The following CDK18 variants were observed in gnomAD, a reference collection of about 807,000 sequenced individuals.
The protein encoded by CDK18 is cyclin-dependent kinase 18.
A neutral mutation model predicts 62.0 loss-of-function variants in CDK18; 52 were observed. The ratio of observed to expected loss-of-function variants is 0.84; its 90% confidence interval spans 0.67 to 1.06. The LOEUF (loss-of-function observed/expected upper bound fraction) is 1.06, where lower values mean the gene tolerates loss of function less well. Ranked by LOEUF, CDK18 falls within the 50% of genes least tolerant of loss-of-function variation. CDK18 has a pLI of 0.00. For synonymous variants in CDK18, 237 were observed against 247.0 expected (o/e 0.96, Z 0.38); for missense variants, 604 against 619.9 (o/e 0.97, Z 0.27).
chr1:205,526,954 C>T (rs964097055), intron 8 of CDK18, 117 bp downstream of exon 8: 18 of 802,502 alleles, frequency 2.2e-5, no homozygotes, highest in Non-Finnish European at 3.0e-5. Flanking sequence ...GACCTTCCCA[C>T]GTAGGAAAGA....
rs1212510034 is a variant in CDK18 at position 205,531,967 on chromosome 1, A to G, written c.*589A>G. Reference sequence around the variant, plus strand: ...AGCAACAGAAGGAATAGTAGTCCCCACTCTTTCCATCAGCCCTACCCTACC... The same window carrying G: ...AGCAACAGAAGGAATAGTAGTCCCCGCTCTTTCCATCAGCCCTACCCTACC... On this transcript the variant is annotated 3_prime_UTR_variant, in exon 16 of 16. Coordinates refer to ENST00000429964, the MANE Select transcript of CDK18 (RefSeq NM_212502.3). 3 of 157,242 alleles carry G rather than the reference A, an allele frequency of 1.9e-5. No individual in the cohort carries two copies. The highest frequency in any genetic ancestry group is 7.3e-5 in the African/African-American group (3 of 41,268). 9.7% of individuals were successfully genotyped at this position (157,242 alleles called of 1,614,324 possible).
chr1:205,530,456 A>G, intron 14 of CDK18, 107 bp downstream of exon 14: 1 of 1,294,532 alleles, frequency 7.7e-7, no homozygotes, highest in Non-Finnish European at 1.1e-6. Context: ...CAGCCCCAGC[A>G]GAGCAGCCCC....
Position 205,529,020 on chromosome 1 carries a change from C to T in CDK18, c.996C>T (p.Tyr332=). The change falls in exon 11 of 16, where the codon TAC becomes TAT. Residue 332 remains tyrosine, a synonymous_variant. Coordinates refer to ENST00000429964, the MANE Select transcript of CDK18 (RefSeq NM_212502.3). ...GCAGGGGCGTGGGCTGCATCCACTA[C>T]GAGATGGCCACAGGGAGGCCCCTCT... ...IDMWGVGCIH[Y]EMATGRPLFP... The T allele has an allele frequency of 1.9e-6, 3 of 1,593,788 alleles. No individual in the cohort carries two copies. The highest frequency in any genetic ancestry group is 2.7e-5 in the African/African-American group (2 of 74,784).
chr1:205,529,788 G>T (rs1269733143), intron 13 of CDK18: 2 of 1,467,052 alleles, frequency 1.4e-6, no homozygotes, highest in South Asian at 1.2e-5. Flanking sequence ...GTAGCTCTGG[G>T]CAAGTTACAG....
At chr1:205,511,890 C>T in intron 1 of CDK18, among the ~76,000 whole-genome samples, 1 of 152,116 alleles carries the variant, frequency 6.6e-6, no homozygotes, top group Non-Finnish European at 1.5e-5. Context: ...CCCATCTCTA[C>T]TAAAATACAA....
In CDK18 at chr1:205,530,637, T is replaced by A; in HGVS notation, c.1322T>A (p.Ile441Asn). The change falls in exon 15 of 16, where the codon ATC (isoleucine) becomes AAC (asparagine). Residue 441 changes from isoleucine (I) to asparagine (N), a missense_variant. By Grantham distance (149) the Ile-to-Asn change is moderately radical (BLOSUM62 -3). Coordinates refer to ENST00000429964, the MANE Select transcript of CDK18 (RefSeq NM_212502.3). ...CACTTCTCTCCCCCAGCTGCCTCCA[T>A]CTTCTCCCTGAAGGAGATCCAGCTC... The part of the protein sequence containing the change: ...RVHQLEDTAS[I>N]FSLKEIQLQK... 6.2e-7 allele frequency: 1 copy of A among 1,613,970 alleles called. No individual in the cohort carries two copies. Among genetic ancestry groups the A allele is most frequent in the Non-Finnish European group, 8.5e-7 (1 of 1,179,960 alleles).
rs757526160 is a variant in CDK18 at position 205,526,777 on chromosome 1, C to T, written c.669C>T (p.Asp223=). 5 of 1,613,858 alleles carry T rather than the reference C, an allele frequency of 3.1e-6. No homozygotes were observed. The highest frequency in any genetic ancestry group is 1.1e-5 in the South Asian group (1 of 91,068). Residue 223 remains aspartate (D), a splice_region_variant and synonymous_variant, in exon 8 of 16, where the codon GAC becomes GAT. Coordinates refer to ENST00000429964, the MANE Select transcript of CDK18 (RefSeq NM_212502.3). The stretch of plus-strand genomic sequence containing the variant: ...CTGAGCCACGCTCTGTGTTCCAGGA[C>T]AGTGACCTGAAGCAGTATCTGGACC... ...RSLTLVFEYL[D]SDLKQYLDHC... is the part of the protein sequence containing the mutation.
chr1:205,523,460 G>T, intron 2 of CDK18, 23 bp from the exon 3 acceptor site: 1 of 1,596,366 alleles, frequency 6.3e-7, no homozygotes, highest in Non-Finnish European at 8.5e-7. Flanking sequence ...GCAGGGAGGG[G>T]AGCTGACGCC....
intron 1 of CDK18, among the ~76,000 whole-genome samples, chr1:205,507,174 TCTAA>T (rs1328231028): frequency 2.6e-5 from 4 of 152,178 alleles, no homozygotes; most frequent in Non-Finnish European, 5.9e-5. Context: ...TCTGTTCTTC[TCTAA>T]CTGAGCTTGA....
intron 1 of CDK18, among the ~76,000 whole-genome samples, chr1:205,507,229 C>T (rs1667349563): frequency 6.6e-6 from 1 of 152,184 alleles, no homozygotes; most frequent in African/African-American, 2.4e-5. Context: ...TGGTGGAATC[C>T]AGCTCCAGCA....
At chr1:205,514,643 TC>T (rs1036184749) in intron 1 of CDK18, among the ~76,000 whole-genome samples, 22 of 152,282 alleles carry the variant, frequency 1.4e-4, no homozygotes, top group African/African-American at 5.3e-4. Context: ...TGTTTCCATA[TC>T]TGTAGAGGAA....
chr1:205,524,853 C>T (rs1176172243), intron 4 of CDK18, among the ~76,000 whole-genome samples: 1 of 152,218 alleles, frequency 6.6e-6, no homozygotes, highest in Non-Finnish European at 1.5e-5. Flanking sequence ...AAAGGCAGCA[C>T]TCACTCTGGA....
Position 205,529,353 on chromosome 1 carries a change from G to A in CDK18, c.1102G>A (p.Val368Met), listed in dbSNP as rs1381026743. Residue 368 changes from valine (V) to methionine (M), a missense_variant, in exon 12 of 16, where the codon GTG becomes ATG. By Grantham distance (21) the Val-to-Met change is conservative. Coordinates refer to ENST00000429964, the MANE Select transcript of CDK18 (RefSeq NM_212502.3). ...CCCCACAGAAGAGACGTGGCCCGGC[G>A]TGACCGCCTTCTCTGAGTTCCGCAC... is the stretch of plus-strand genomic sequence containing the variant. ...GTPTEETWPG[V>M]TAFSEFRTYS... 1 of 1,613,956 alleles carries A rather than the reference G, an allele frequency of 6.2e-7. No individual in the cohort carries two copies. Among genetic ancestry groups the A allele is most frequent in the Non-Finnish European group, 8.5e-7 (1 of 1,179,942 alleles).
intron 1 of CDK18, among the ~76,000 whole-genome samples, chr1:205,521,076 A>G (rs1163993804): frequency 1.3e-5 from 2 of 152,162 alleles, no homozygotes; most frequent in Admixed American, 6.5e-5. Context: ...AAGCCAGAGG[A>G]AGCGCTTTCA....
chr1:205,518,991 C>T (rs376647370), intron 1 of CDK18, among the ~76,000 whole-genome samples: 4 of 152,314 alleles, frequency 2.6e-5, no homozygotes, highest in African/African-American at 9.6e-5. Flanking sequence ...CAACTTCCTC[C>T]ACCCCCCACT....
At position 205,531,278 on chromosome 1, in the gene CDK18, T is replaced by G. The variant is rs1213981890; in HGVS notation, c.1391-66T>G. On this transcript the variant is annotated intron_variant, in intron 15 of 15. Coordinates refer to ENST00000429964, the MANE Select transcript of CDK18 (RefSeq NM_212502.3). The stretch of plus-strand genomic sequence containing the variant: ...AGCTCTGGGGGACAGCGACTGTCCC[T>G]GCTGACCTGGGGTACCCGTCAGCCC... 13 of 1,472,046 alleles carry G rather than the reference T, an allele frequency of 8.8e-6. No individual in the cohort carries two copies. The Admixed American group carries it at 1.3e-4, about 15-fold the overall frequency. The allele number at this position is 1,472,046 out of a possible 1,614,324, so 91.2% of individuals were successfully genotyped here.
rs1052876626 is a variant in CDK18, at chr1:205,528,019, C to T, written c.854-29C>T. On this transcript the variant is annotated intron_variant, in intron 9 of 15. Transcript: ENST00000429964. The surrounding 1 kb of genome is among the most constrained non-coding windows in gnomAD (Gnocchi z 4.2). ...CAGTCAACCCCACAGCACCTGTGGA[C>T]AGAGGTCCAGTGACATGTCTGCCCC... is the stretch of plus-strand genomic sequence containing the variant. 7 of 1,613,838 alleles carry T rather than the reference C, an allele frequency of 4.3e-6. No individual in the cohort carries two copies. The highest frequency in any genetic ancestry group is 4.2e-6 in the Non-Finnish European group (5 of 1,179,884).
chr1:205,507,653 A>T (rs12754340), intron 1 of CDK18, among the ~76,000 whole-genome samples: 19,504 of 149,074 alleles, frequency 0.13, 1,531 homozygotes, highest in Middle Eastern at 0.24. Flanking sequence ...AAAAAAAAAA[A>T]AAAAAAAAAA....
In CDK18 at chr1:205,516,613, C is replaced by A. The variant is rs1667830986; in HGVS notation, c.-21-6534C>A. On this transcript the variant is annotated intron_variant, in intron 1 of 15. Coordinates refer to ENST00000429964, the MANE Select transcript of CDK18 (RefSeq NM_212502.3). This position sits in a 1 kb window ranked among gnomAD's most constrained non-coding sequence, Gnocchi z 4.8. ...TGCCACCAGCACCAGGCATAGAGAC[C>A]AACGTGCTCCAGATGAGGGAGACAG... is the stretch of plus-strand genomic sequence containing the variant. Among the ~76,000 whole-genome samples, 1 of 152,174 alleles carries A rather than the reference C, an allele frequency of 6.6e-6. No homozygotes were observed. Among genetic ancestry groups the A allele is most frequent in the African/African-American group, 2.4e-5 (1 of 41,440 alleles).
Sources: allele counts gnomAD v4.1 joint callset (sites outside exome capture counted in the v4.1 genomes callset), GRCh38; gene constraint gnomAD v4.1.1; non-coding constraint Gnocchi (gnomAD v3.1); transcripts MANE v1.5; gene names NCBI Gene and HGNC (gene_info 2026-07-23, HGNC 2026-07-21).